Variants in LCLAT1 observed in about 807,000 individuals in gnomAD.
LCLAT1 encodes the protein lysocardiolipin acyltransferase 1, also known as 1-AGP acyltransferase 8.
In LCLAT1, 11 loss-of-function variants were observed where a neutral mutation model predicts 30.7. That is an observed-to-expected ratio of 0.36 (90% CI 0.23 to 0.59). LCLAT1 has a LOEUF of 0.59. LCLAT1 is among the 20% of genes least tolerant of loss of function. The probability of loss-of-function intolerance (pLI) is 0.77; values close to 1 mark genes in which losing one functional copy is unlikely to be tolerated. For synonymous variants in LCLAT1, 155 were observed against 151.3 expected (o/e 1.02, Z -0.18); for missense variants, 402 against 458.6 (o/e 0.88, Z 1.13).
intron 1 of LCLAT1, among the ~76,000 whole-genome samples, chr2:30,518,828 T>C (rs558740825): frequency 6.6e-6 from 1 of 152,360 alleles, no homozygotes; most frequent in African/African-American, 2.4e-5. Flanking sequence ...TCAACTCACC[T>C]GGACTGTTTT....
intron 5 of LCLAT1, among the ~76,000 whole-genome samples, chr2:30,616,055 C>T (rs1667980617): frequency 6.6e-6 from 1 of 152,176 alleles, no homozygotes; most frequent in Admixed American, 6.5e-5. Context: ...CCAGTTTCAT[C>T]TATAAGAACT....
chr2:30,560,109 C>A (rs1251595067), intron 3 of LCLAT1, among the ~76,000 whole-genome samples: 5 of 152,044 alleles, frequency 3.3e-5, no homozygotes, highest in Admixed American at 2.6e-4. Flanking sequence ...TGTGTGGGAG[C>A]GGGCAGTGTA....
intron 1 of LCLAT1, among the ~76,000 whole-genome samples, chr2:30,457,178 T>C (rs1371603343): frequency 6.6e-6 from 1 of 152,194 alleles, no homozygotes; most frequent in Non-Finnish European, 1.5e-5. Flanking sequence ...GCTTAGTACC[T>C]GGTAGAGAAA....
At chr2:30,541,164 A>G (rs1664119054) in intron 3 of LCLAT1, among the ~76,000 whole-genome samples, 1 of 152,112 alleles carries the variant, frequency 6.6e-6, no homozygotes, top group Non-Finnish European at 1.5e-5. Flanking sequence ...CATACAGTCA[A>G]ACTGATTAAT....
intron 5 of LCLAT1, among the ~76,000 whole-genome samples, chr2:30,598,145 A>G (rs1051972276): frequency 2.0e-5 from 3 of 152,202 alleles, no homozygotes; most frequent in Admixed American, 2.0e-4. Context: ...TCAGGATAAT[A>G]CTGACCTCAT....
chr2:30,516,903 C>T (rs1379361654), intron 1 of LCLAT1, among the ~76,000 whole-genome samples: 1 of 152,192 alleles, frequency 6.6e-6, no homozygotes, highest in Admixed American at 6.5e-5. Flanking sequence ...CAGCCCCCAT[C>T]TGAGTTGGGA....
At chr2:30,493,675 A>G (rs11899182) in intron 1 of LCLAT1, among the ~76,000 whole-genome samples, 19,412 of 152,228 alleles carry the variant, frequency 0.13, 1,364 homozygotes, top group South Asian at 0.23. Context: ...CTTTACTGCC[A>G]CATTCTCTCC....
chr2:30,525,046 A>AC (rs1474244393), intron 1 of LCLAT1, among the ~76,000 whole-genome samples: 13 of 151,888 alleles, frequency 8.6e-5, no homozygotes, highest in African/African-American at 3.1e-4. Flanking sequence ...ATGTTAAAAA[A>AC]AAAAGGCTTC....
chr2:30,524,271 T>C (rs1363259397), intron 1 of LCLAT1, among the ~76,000 whole-genome samples: 1 of 152,208 alleles, frequency 6.6e-6, no homozygotes, highest in African/African-American at 2.4e-5. Flanking sequence ...AAATAGCCAG[T>C]GAAGAGTCTA....
At chr2:30,575,522 T>C (rs1665960187) in intron 5 of LCLAT1, among the ~76,000 whole-genome samples, 1 of 152,138 alleles carries the variant, frequency 6.6e-6, no homozygotes, top group African/African-American at 2.4e-5. Context: ...TATGGAGTCC[T>C]TTCATTGCAA....
intron 1 of LCLAT1, among the ~76,000 whole-genome samples, chr2:30,464,942 A>G (rs537545838): frequency 2.0e-5 from 3 of 152,006 alleles, no homozygotes; most frequent in Non-Finnish European, 4.4e-5. Context: ...GCTGGTTTCA[A>G]ACTCCTGAGC....
intron 1 of LCLAT1, among the ~76,000 whole-genome samples, chr2:30,449,730 C>T (rs1314471625): frequency 1.3e-5 from 2 of 152,038 alleles, no homozygotes; most frequent in South Asian, 2.1e-4. Context: ...GAGCTCCCGA[C>T]CTCAGGTGAT....
intron 5 of LCLAT1, among the ~76,000 whole-genome samples, chr2:30,582,270 T>A (rs1326547086): frequency 6.6e-6 from 1 of 150,744 alleles, no homozygotes; most frequent in Non-Finnish European, 1.5e-5. Context: ...AATATATTAA[T>A]GAATGTAACA....
chr2:30,525,379 G>A (rs1685660585), intron 1 of LCLAT1, among the ~76,000 whole-genome samples: 1 of 152,104 alleles, frequency 6.6e-6, no homozygotes, highest in Non-Finnish European at 1.5e-5. Context: ...CCCGACCAGA[G>A]AATATCAATT....
chr2:30,457,626 C>T (rs919161944), intron 1 of LCLAT1, among the ~76,000 whole-genome samples: 1 of 152,182 alleles, frequency 6.6e-6, no homozygotes. Context: ...TATGTGTCTG[C>T]TCTTTGGATT....
intron 1 of LCLAT1, among the ~76,000 whole-genome samples, chr2:30,486,014 C>T (rs1683541755): frequency 6.6e-6 from 1 of 152,178 alleles, no homozygotes; most frequent in Admixed American, 6.5e-5. Context: ...TGCTCACTCC[C>T]TGATAACTCT....
At chr2:30,492,225 C>T (rs1456451605) in intron 1 of LCLAT1, among the ~76,000 whole-genome samples, 1 of 152,122 alleles carries the variant, frequency 6.6e-6, no homozygotes, top group Non-Finnish European at 1.5e-5. Context: ...AACACAATAA[C>T]ACTATGTACA....
At chr2:30,565,171 A>G (rs1237204413) in intron 4 of LCLAT1, among the ~76,000 whole-genome samples, 1 of 152,172 alleles carries the variant, frequency 6.6e-6, no homozygotes, top group East Asian at 1.9e-4. Flanking sequence ...GTTGAGATTT[A>G]TTTTAAGGAA....
chr2:30,555,719 A>C (rs902808122), intron 3 of LCLAT1, among the ~76,000 whole-genome samples: 1 of 152,116 alleles, frequency 6.6e-6, no homozygotes, highest in Admixed American at 6.5e-5. Flanking sequence ...GTTTAAATAC[A>C]TTTGTCAAAA....
Sources: gnomAD v4.1 joint callset for allele counts (sites outside exome capture counted in the v4.1 genomes callset) on GRCh38, gnomAD v4.1.1 for gene constraint, MANE v1.5 for transcripts, NCBI Gene and HGNC (gene_info 2026-07-23, HGNC 2026-07-21) for gene names.